Variants in ITPR1 observed in about 807,000 individuals in gnomAD.
The protein encoded by ITPR1 is inositol 1,4,5-trisphosphate-gated calcium channel ITPR1.
A neutral mutation model predicts 318.4 loss-of-function variants in ITPR1; 96 were observed. That is an observed-to-expected ratio of 0.30 (90% CI 0.26 to 0.36). The LOEUF is 0.36. Ranked by LOEUF, ITPR1 falls within the 10% of genes least tolerant of loss-of-function variation. The probability of loss-of-function intolerance (pLI) is 1.00; values close to 1 mark genes in which losing one functional copy is unlikely to be tolerated. For synonymous variants in ITPR1, 1,312 were observed against 1,289.9 expected (o/e 1.02, Z -0.37); for missense variants, 2,440 against 3,460.2 (o/e 0.71, Z 7.40).
At chr3:4,601,148 C>G (rs754321060) in intron 4 of ITPR1, among the ~76,000 whole-genome samples, 4 of 145,112 alleles carry the variant, frequency 2.8e-5, no homozygotes, top group African/African-American at 1.0e-4. Flanking sequence ...ACATAGATAT[C>G]AGAACAATTA....
intron 55 of ITPR1, among the ~76,000 whole-genome samples, chr3:4,806,560 A>G (rs1423460175): frequency 6.6e-6 from 1 of 152,168 alleles, no homozygotes; most frequent in African/African-American, 2.4e-5. Flanking sequence ...TTTCCTTTCC[A>G]TGCACCTTTG....
In ITPR1 at chr3:4,556,500, A is replaced by AT. The variant is rs200955422; in HGVS notation, c.163+35419dup. On this transcript the variant is annotated intron_variant, in intron 4 of 61. Coordinates refer to ENST00000649015, the MANE Select transcript of ITPR1 (RefSeq NM_001378452.1). ...TCCCCCCAACCCCTGGCAACTACTG[A>AT]TTTTTTTTTTTTTATCTCCCTAGTT... 3.7e-3 allele frequency among the ~76,000 whole-genome samples: 520 copies of AT among 142,220 alleles called. 3 individuals carry two copies. The highest frequency in any genetic ancestry group is 0.01 in the African/African-American group (404 of 38,570). The allele number at this position is 142,220 out of a possible 152,430, so 93.3% of individuals were successfully genotyped here. A position where few individuals can be genotyped will look rare whatever the true frequency, so the allele number is the denominator to read the frequency against.
At chr3:4,636,185 CAT>C (rs1453500053) in intron 5 of ITPR1, among the ~76,000 whole-genome samples, 3 of 151,994 alleles carry the variant, frequency 2.0e-5, no homozygotes, top group Non-Finnish European at 4.4e-5. Flanking sequence ...TAAAAACTAA[CAT>C]GTGAACTGAA....
At chr3:4,640,848 T>G (rs2093321457) in intron 6 of ITPR1, among the ~76,000 whole-genome samples, 1 of 152,204 alleles carries the variant, frequency 6.6e-6, no homozygotes, top group South Asian at 2.1e-4. Context: ...TGTAGGTAAC[T>G]TTCGTTTATA....
At chr3:4,754,161 C>T (rs1300488754) in intron 44 of ITPR1, among the ~76,000 whole-genome samples, 1 of 151,866 alleles carries the variant, frequency 6.6e-6, no homozygotes, top group Non-Finnish European at 1.5e-5. Flanking sequence ...GATTCATTGT[C>T]CCTCAGGTAC....
At chr3:4,688,769 C>G (rs945594079) in intron 31 of ITPR1, 149 bp downstream of exon 31, 3 of 784,140 alleles carry the variant, frequency 3.8e-6, no homozygotes, top group African/African-American at 3.5e-5. Context: ...TCACTTATCA[C>G]GAGGACATAA....
Position 4,569,509 on chromosome 3 carries a change from T to G in ITPR1, c.163+48415T>G, listed in dbSNP as rs972392405. On this transcript the variant is annotated intron_variant, in intron 4 of 61. Coordinates refer to ENST00000649015, the MANE Select transcript of ITPR1 (RefSeq NM_001378452.1). ...AACATTGTGTGACAAGCTTGTGCAT[T>G]GCTGATTCTCTGTGTTGGCCTCATC... 2.0e-5 allele frequency among the ~76,000 whole-genome samples: 3 copies of G among 152,226 alleles called. No individual in the cohort carries two copies. The South Asian group carries it at 6.2e-4, about 32-fold the overall frequency.
intron 4 of ITPR1, among the ~76,000 whole-genome samples, chr3:4,618,314 T>G (rs1341861820): frequency 6.6e-6 from 1 of 152,206 alleles, no homozygotes; most frequent in Non-Finnish European, 1.5e-5. Flanking sequence ...TTTTAACATT[T>G]TCTTCTGATA....
At chr3:4,558,253 C>T (rs1464417578) in intron 4 of ITPR1, among the ~76,000 whole-genome samples, 1 of 152,000 alleles carries the variant, frequency 6.6e-6, no homozygotes, top group African/African-American at 2.4e-5. Context: ...TAAGGACATA[C>T]TAATGGCAAA....
intron 4 of ITPR1, among the ~76,000 whole-genome samples, chr3:4,553,588 G>A (rs571888230): frequency 2.1e-5 from 3 of 145,512 alleles, no homozygotes; most frequent in South Asian, 2.2e-4. Flanking sequence ...GTGCCACCAC[G>A]CCTGGATAAT....
At chr3:4,740,086 T>C (rs1254395814) in intron 44 of ITPR1, among the ~76,000 whole-genome samples, 2 of 152,226 alleles carry the variant, frequency 1.3e-5, no homozygotes, top group African/African-American at 4.8e-5. Context: ...CAGCCCCATT[T>C]CAAAGGCGGG....
intron 4 of ITPR1, among the ~76,000 whole-genome samples, chr3:4,542,493 A>G (rs1575470795): frequency 2.6e-5 from 4 of 152,244 alleles, no homozygotes; most frequent in African/African-American, 9.6e-5. Context: ...AAATTTTGGG[A>G]ATTTCCTATA....
chr3:4,590,454 G>C (rs1434561740), intron 4 of ITPR1, among the ~76,000 whole-genome samples: 1 of 151,150 alleles, frequency 6.6e-6, no homozygotes, highest in Non-Finnish European at 1.5e-5. Context: ...GCCCTGGTTG[G>C]ACAGAAGCAA....
chr3:4,606,193 T>C (rs553883665), intron 4 of ITPR1, among the ~76,000 whole-genome samples: 1 of 152,274 alleles, frequency 6.6e-6, no homozygotes, highest in South Asian at 2.1e-4. Flanking sequence ...TCTAGGGCAG[T>C]ACTAGAATGA....
At chr3:4,534,843 G>A (rs2083716596) in intron 4 of ITPR1, among the ~76,000 whole-genome samples, 1 of 152,182 alleles carries the variant, frequency 6.6e-6, no homozygotes, top group South Asian at 2.1e-4. Context: ...CCAGAATCGT[G>A]GCATTTGAGG....
intron 59 of ITPR1, among the ~76,000 whole-genome samples, chr3:4,817,749 G>A (rs2049401376): frequency 6.6e-6 from 1 of 152,190 alleles, no homozygotes; most frequent in Non-Finnish European, 1.5e-5. Context: ...ATATGTGAGA[G>A]TGTCACACAC....
intron 35 of ITPR1, among the ~76,000 whole-genome samples, chr3:4,702,430 T>C (rs1470086222): frequency 6.6e-6 from 1 of 152,182 alleles, no homozygotes; most frequent in Non-Finnish European, 1.5e-5. Context: ...TCAGTCTGCC[T>C]CAATCCACTT....
chr3:4,501,048 G>C (rs553445695), intron 2 of ITPR1, among the ~76,000 whole-genome samples: 139 of 151,886 alleles, frequency 9.2e-4, no homozygotes, highest in South Asian at 6.2e-3. Context: ...TTTTTGTAGA[G>C]ATTGGGTCTC....
At chr3:4,792,109 G>A (rs900001962) in intron 52 of ITPR1, among the ~76,000 whole-genome samples, 1 of 152,128 alleles carries the variant, frequency 6.6e-6, no homozygotes, top group Non-Finnish European at 1.5e-5. Flanking sequence ...GCATTGTTCA[G>A]TAGAGCATTT....
Sources: allele counts gnomAD v4.1 joint callset (sites outside exome capture counted in the v4.1 genomes callset), GRCh38; gene constraint gnomAD v4.1.1; transcripts MANE v1.5; gene names NCBI Gene and HGNC (gene_info 2026-07-23, HGNC 2026-07-21).